The following PIN1 variants were observed in gnomAD, a reference collection of about 807,000 sequenced individuals.
The protein encoded by PIN1 is peptidyl-prolyl cis-trans isomerase NIMA-interacting 1.
Under a neutral mutation model 19.9 loss-of-function variants are expected in PIN1, and 8 were observed. The observed-to-expected ratio is 0.40, with a 90% confidence interval of 0.24 to 0.72. PIN1 has a LOEUF of 0.72. PIN1 is among the 30% of genes least tolerant of loss of function. PIN1 has a pLI of 0.37. For synonymous variants in PIN1, 86 were observed against 90.8 expected (o/e 0.95, Z 0.30); for missense variants, 185 against 226.5 (o/e 0.82, Z 1.18).
chr19:9,840,609 T>G (rs1181291953), intron 2 of PIN1, among the ~76,000 whole-genome samples: 1 of 152,116 alleles, frequency 6.6e-6, no homozygotes, highest in East Asian at 1.9e-4. Flanking sequence ...CTTTTTCTCC[T>G]TCTTCTTTTG....
chr19:9,847,852 C>G (rs2046235879), intron 2 of PIN1, among the ~76,000 whole-genome samples, 178 bp from the exon 3 acceptor site: 1 of 152,098 alleles, frequency 6.6e-6, no homozygotes, highest in Non-Finnish European at 1.5e-5. Flanking sequence ...ACAGGTGTGA[C>G]TGCGCATGCA....
chr19:9,847,962 T>C, intron 2 of PIN1, 68 bp from the exon 3 acceptor site: 3 of 977,138 alleles, frequency 3.1e-6, no homozygotes, highest in Non-Finnish European at 5.0e-6. Context: ...TCTGGAGTCC[T>C]CCATCCTGTC....
At position 9,838,404 on chromosome 19, in the gene PIN1, C is replaced by G. The variant is rs757576217; in HGVS notation, c.59-32C>G. ...CCAGGGGTGTCCTGGGAGCACAACC[C>G]TAGCTGAATTCCTGCCTGCCCTCCC... On this transcript the variant is annotated intron_variant, in intron 1 of 3. Coordinates refer to ENST00000247970, the MANE Select transcript of PIN1 (RefSeq NM_006221.4). The surrounding 1 kb of genome is among the most constrained non-coding windows in gnomAD (Gnocchi z 5.8). 2.6e-6 allele frequency: 4 copies of G among 1,555,690 alleles called. No individual in the cohort carries two copies. The highest frequency in any genetic ancestry group is 1.2e-5 in the South Asian group (1 of 85,458).
rs554779527 is a variant in PIN1 at position 9,849,506 on chromosome 19, C to A, written c.*307C>A. The A allele has an allele frequency of 4.7e-5, 31 of 665,542 alleles. No homozygotes were observed. The African/African-American group carries it at 5.3e-4, about 11-fold the overall frequency. The allele number at this position is 665,542 out of a possible 1,614,324, so 41.2% of individuals were successfully genotyped here. The stretch of plus-strand genomic sequence containing the variant: ...GGGTGTTCCAAAGAGAAGGCCTGGT[C>A]AGCAGAGCCGCCCCGTGTCCCCCCA... On this transcript the variant is annotated 3_prime_UTR_variant, in exon 4 of 4. Transcript: ENST00000247970.
chr19:9,837,064 A>G (rs570596220), intron 1 of PIN1: 56 of 373,092 alleles, frequency 1.5e-4, no homozygotes, highest in Admixed American at 6.1e-4. Flanking sequence ...CCCAGGCTTA[A>G]GCAATCCTCC....
In PIN1 at chr19:9,849,613, G is replaced by C; in HGVS notation, c.*414G>C. 1.9e-6 allele frequency: 1 copy of C among 531,676 alleles called. No homozygotes were observed. The allele number at this position is 531,676 out of a possible 1,614,324, so 32.9% of individuals were successfully genotyped here. A position where few individuals can be genotyped will look rare whatever the true frequency, so the allele number is the denominator to read the frequency against. On this transcript the variant is annotated 3_prime_UTR_variant, in exon 4 of 4. Transcript: ENST00000247970. ...TTCAGTCGCAAAGGTGAACACTCAT[G>C]CGGCCCAGCCATGGGCCCTCTGAGC...
In PIN1 at chr19:9,838,452, C is replaced by T; in HGVS notation, c.75C>T (p.Phe25=). Residue 25 remains phenylalanine, a synonymous_variant, in exon 2 of 4, where the codon TTC becomes TTT. Coordinates refer to ENST00000247970, the MANE Select transcript of PIN1 (RefSeq NM_006221.4). This position sits in a 1 kb window ranked among gnomAD's most constrained non-coding sequence, Gnocchi z 5.8. ...MSRSSGRVYY[F]NHITNASQWE... ...CCCCTCCAGGCCGAGTGTACTACTT[C>T]AACCACATCACTAACGCCAGCCAGT... 1 of 1,606,322 alleles carries T rather than the reference C, an allele frequency of 6.2e-7. No individual in the cohort carries two copies. The highest frequency in any genetic ancestry group is 1.1e-5 in the South Asian group (1 of 89,428).
At chr19:9,837,960 A>T (rs1444552546) in intron 1 of PIN1, 1 of 204,076 alleles carries the variant, frequency 4.9e-6, no homozygotes, top group Non-Finnish European at 1.0e-5. Flanking sequence ...AAAAATTATT[A>T]TTTAGTCCTT....
chr19:9,847,687 CGTGT>C (rs369827332), intron 2 of PIN1, among the ~76,000 whole-genome samples: 2 of 125,414 alleles, frequency 1.6e-5, no homozygotes, highest in Non-Finnish European at 3.8e-5. Context: ...TTTTCCCTCA[CGTGT>C]GTGTGTGTGT....
At chr19:9,841,428 G>A (rs1458681968) in intron 2 of PIN1, among the ~76,000 whole-genome samples, 1 of 152,204 alleles carries the variant, frequency 6.6e-6, no homozygotes. Flanking sequence ...ACAGGACGGG[G>A]CAGAAGTAAA....
At chr19:9,843,686 C>T (rs907620920) in intron 2 of PIN1, among the ~76,000 whole-genome samples, 2 of 152,216 alleles carry the variant, frequency 1.3e-5, no homozygotes, top group Admixed American at 1.3e-4. Flanking sequence ...ACTGTGCACT[C>T]ACATGGCATT....
intron 2 of PIN1, among the ~76,000 whole-genome samples, chr19:9,842,064 A>G (rs2046172508): frequency 6.6e-6 from 1 of 152,134 alleles, no homozygotes; most frequent in Non-Finnish European, 1.5e-5. Context: ...CTGAGGCGTC[A>G]CCGTAGGTAC....
intron 2 of PIN1, among the ~76,000 whole-genome samples, chr19:9,843,214 C>G (rs946042359): frequency 2.6e-5 from 4 of 152,258 alleles, no homozygotes; most frequent in African/African-American, 9.6e-5. Flanking sequence ...ACATACCCAT[C>G]CCAGCATCCA....
At chr19:9,839,911 G>A (rs1281140040) in intron 2 of PIN1, among the ~76,000 whole-genome samples, 2 of 152,010 alleles carry the variant, frequency 1.3e-5, no homozygotes, top group Non-Finnish European at 2.9e-5. Context: ...GAGGTGGGAG[G>A]ATCCTTTGAG....
intron 2 of PIN1, among the ~76,000 whole-genome samples, chr19:9,845,793 G>A (rs980781230): frequency 4.6e-5 from 7 of 152,178 alleles, no homozygotes; most frequent in Non-Finnish European, 7.3e-5. Flanking sequence ...CAACTTGGGC[G>A]GGCTGTCCAA....
rs113254905 is a variant in PIN1 at position 9,849,569 on chromosome 19, G to C, written c.*370G>C. On this transcript the variant is annotated 3_prime_UTR_variant, in exon 4 of 4. Transcript: ENST00000247970. ...AGACTCGAGGGCCGAATTGTTTCTA[G>C]TTAGGCCACGCTCCTCTGTTCAGTC... 541 of 569,302 alleles carry C rather than the reference G, an allele frequency of 9.5e-4. No individual in the cohort carries two copies. Among genetic ancestry groups the C allele is most frequent in the Non-Finnish European group, 1.5e-3 (427 of 293,190 alleles). The allele number at this position is 569,302 out of a possible 1,614,324, so 35.3% of individuals were successfully genotyped here.
At chr19:9,835,671 G>A in intron 1 of PIN1, 1 of 460,684 alleles carries the variant, frequency 2.2e-6, no homozygotes, top group East Asian at 3.7e-5. Flanking sequence ...TGCCGGCCCG[G>A]CTGATACCTC....
At position 9,835,328 on chromosome 19, in the gene PIN1, C is replaced by T. The variant is rs1292415743; in HGVS notation, c.-17C>T. The T allele has an allele frequency of 6.6e-7, 1 of 1,524,398 alleles. No homozygotes were observed. The highest frequency in any genetic ancestry group is 2.5e-5 in the East Asian group (1 of 39,360). The allele number at this position is 1,524,398 out of a possible 1,614,324, so 94.4% of individuals were successfully genotyped here. ...CGGCGCAGCTGAGGCGGAGCAGGCG[C>T]TGCGGCAGGAGGGAAGATGGCGGAC... is the stretch of plus-strand genomic sequence containing the variant. On this transcript the variant is annotated 5_prime_UTR_variant, in exon 1 of 4. Transcript: ENST00000247970.
chr19:9,844,547 CTTGAAGCAGG>C (rs1277772484), intron 2 of PIN1, among the ~76,000 whole-genome samples: 1 of 152,300 alleles, frequency 6.6e-6, no homozygotes, highest in East Asian at 1.9e-4. Context: ...TCCTGAACAC[CTTGAAGCAGG>C]TGGAGGCCCC....
Sources: allele counts gnomAD v4.1 joint callset (sites outside exome capture counted in the v4.1 genomes callset), GRCh38; gene constraint gnomAD v4.1.1; non-coding constraint Gnocchi (gnomAD v3.1); transcripts MANE v1.5; gene names NCBI Gene and HGNC (gene_info 2026-07-23, HGNC 2026-07-21).